The following FAM241A variants were observed in gnomAD, a reference collection of about 807,000 sequenced individuals.
FAM241A encodes the protein uncharacterized protein FAM241A.
In FAM241A, 7 loss-of-function variants were observed where a neutral mutation model predicts 12.2. The ratio of observed to expected loss-of-function variants is 0.58; its 90% CI spans 0.33 to 1.08. The LOEUF is 1.08. Ranked by LOEUF, FAM241A falls within the 50% of genes least tolerant of loss-of-function variation. The pLI is 0.04. For synonymous variants in FAM241A, 74 were observed against 68.2 expected, an observed-to-expected ratio of 1.08 and a Z score of -0.42; for missense variants, 161 against 169.7, an observed-to-expected ratio of 0.95 and a Z score of 0.29.
intron 1 of FAM241A, chr4:112,171,122 T>C: frequency 2.5e-6 from 1 of 397,404 alleles, no homozygotes; most frequent in Non-Finnish European, 4.8e-6. Flanking sequence ...AACAAGAAAC[T>C]GTTATTGTAC....
In FAM241A at chr4:112,189,938, G is replaced by A. The variant is rs1724130399; in HGVS notation, c.*3000G>A. ...TTCCCATTTCTATTCCTACAGATAC[G>A]AAAGTAAAGAACAGAACACATTTTG... On this transcript the variant is annotated 3_prime_UTR_variant, in exon 2 of 2. Coordinates refer to ENST00000309733, the MANE Select transcript of FAM241A (RefSeq NM_152400.3). 2 of 150,100 alleles carry A rather than the reference G, an allele frequency of 1.3e-5. No individual in the cohort carries two copies. The highest frequency in any genetic ancestry group is 1.3e-4 in the Admixed American group (2 of 15,006). The allele number at this position is 150,100 out of a possible 1,614,324, so 9.3% of individuals were successfully genotyped here. A position where few individuals can be genotyped will look rare whatever the true frequency, so the allele number is the denominator to read the frequency against.
chr4:112,173,904 A>G (rs1268253910), intron 1 of FAM241A, among the ~76,000 whole-genome samples: 1 of 152,224 alleles, frequency 6.6e-6, no homozygotes, highest in African/African-American at 2.4e-5. Flanking sequence ...CAAAGCAGCA[A>G]TTTAACTGTT....
chr4:112,177,563 C>T (rs1249225445), intron 1 of FAM241A, among the ~76,000 whole-genome samples: 1 of 152,004 alleles, frequency 6.6e-6, no homozygotes, highest in Non-Finnish European at 1.5e-5. Context: ...AATAATAGTG[C>T]CTCCTTTACA....
At chr4:112,156,132 CTG>C in intron 1 of FAM241A, among the ~76,000 whole-genome samples, 1 of 152,264 alleles carries the variant, frequency 6.6e-6, no homozygotes, top group Middle Eastern at 3.4e-3. Flanking sequence ...GAGTGTCACT[CTG>C]TGGAACTTAA....
chr4:112,164,621 GA>G (rs930475860), intron 1 of FAM241A, among the ~76,000 whole-genome samples: 79 of 151,324 alleles, frequency 5.2e-4, no homozygotes, highest in Non-Finnish European at 9.3e-4. Context: ...AAAATAAAAT[GA>G]AAAAAAAGCT....
intron 1 of FAM241A, among the ~76,000 whole-genome samples, chr4:112,184,382 A>C (rs1723999855): frequency 6.6e-6 from 1 of 152,214 alleles, no homozygotes; most frequent in Admixed American, 6.5e-5. Context: ...ACAAAAGATT[A>C]GCCAGGCATG....
intron 1 of FAM241A, among the ~76,000 whole-genome samples, chr4:112,163,753 C>T (rs995561441): frequency 9.2e-5 from 14 of 152,172 alleles, no homozygotes; most frequent in Non-Finnish European, 1.8e-4. Flanking sequence ...GACAGTGTGG[C>T]GATTCCTCAA....
intron 1 of FAM241A, among the ~76,000 whole-genome samples, chr4:112,151,760 A>G (rs968636022): frequency 1.3e-5 from 2 of 152,216 alleles, no homozygotes; most frequent in Non-Finnish European, 2.9e-5. Flanking sequence ...TGAGAAGCCA[A>G]TAGTTGTTCC....
chr4:112,179,918 T>G (rs867257066), intron 1 of FAM241A, among the ~76,000 whole-genome samples: 5 of 123,056 alleles, frequency 4.1e-5, no homozygotes, highest in African/African-American at 1.5e-4. Flanking sequence ...AAATGTGATA[T>G]ATATATATAT....
intron 1 of FAM241A, among the ~76,000 whole-genome samples, chr4:112,169,904 T>C (rs1177775365): frequency 1.3e-5 from 2 of 152,262 alleles, no homozygotes; most frequent in Non-Finnish European, 2.9e-5. Flanking sequence ...TACTATGTCT[T>C]ACTTGTGTTT....
At chr4:112,183,243 A>T (rs1253323320) in intron 1 of FAM241A, among the ~76,000 whole-genome samples, 2 of 152,022 alleles carry the variant, frequency 1.3e-5, no homozygotes, top group Non-Finnish European at 2.9e-5. Flanking sequence ...TAGGTTTATT[A>T]TACTATTTTC....
intron 1 of FAM241A, among the ~76,000 whole-genome samples, chr4:112,166,689 C>T (rs923207864): frequency 2.2e-4 from 33 of 152,288 alleles, no homozygotes; most frequent in Admixed American, 7.8e-4. Flanking sequence ...AGTCTAATAG[C>T]ACCCACCTGA....
chr4:112,164,701 A>T (rs1033191039), intron 1 of FAM241A, among the ~76,000 whole-genome samples: 3 of 152,250 alleles, frequency 2.0e-5, no homozygotes, highest in African/African-American at 7.2e-5. Context: ...TTTGTAAACT[A>T]CCCTGACAAG....
At chr4:112,174,495 T>A (rs558591874) in intron 1 of FAM241A, among the ~76,000 whole-genome samples, 1 of 152,200 alleles carries the variant, frequency 6.6e-6, no homozygotes, top group Non-Finnish European at 1.5e-5. Context: ...TGGAGAACTT[T>A]CCGGGCTAAG....
At chr4:112,156,331 G>A (rs1723352508) in intron 1 of FAM241A, among the ~76,000 whole-genome samples, 1 of 152,078 alleles carries the variant, frequency 6.6e-6, no homozygotes, top group Non-Finnish European at 1.5e-5. Context: ...GTTCAGCTCT[G>A]ACTACTTTGT....
At chr4:112,152,069 A>G (rs1234058557) in intron 1 of FAM241A, among the ~76,000 whole-genome samples, 2 of 152,216 alleles carry the variant, frequency 1.3e-5, no homozygotes, top group Non-Finnish European at 2.9e-5. Context: ...ACTTAATCTC[A>G]TCTTGTTCCT....
rs1038949467 is a variant in FAM241A, at chr4:112,175,610, A to G, written c.154-11083A>G. ...TGGTGAAGCCCCATCTCTACTAAAA[A>G]TACGAAAATTAGCTAGGTGTGGTGG... On this transcript the variant is annotated intron_variant, in intron 1 of 1. Coordinates refer to ENST00000309733, the MANE Select transcript of FAM241A (RefSeq NM_152400.3). Among the ~76,000 whole-genome samples, 8 of 152,106 alleles carry G rather than the reference A, an allele frequency of 5.3e-5. No individual in the cohort carries two copies. In the South Asian group the frequency reaches 8.3e-4, roughly 16 times the overall value.
At chr4:112,171,883 A>C (rs867756261) in intron 1 of FAM241A, among the ~76,000 whole-genome samples, 8 of 152,102 alleles carry the variant, frequency 5.3e-5, no homozygotes, top group Non-Finnish European at 7.4e-5. Context: ...AAAACAAAAA[A>C]AAATCTTGAG....
chr4:112,168,548 A>C (rs776118124), intron 1 of FAM241A, among the ~76,000 whole-genome samples: 7 of 152,242 alleles, frequency 4.6e-5, no homozygotes, highest in Non-Finnish European at 1.0e-4. Context: ...TGTTAGATTC[A>C]TAAGTACTGT....
Sources: gnomAD v4.1 joint callset for allele counts (sites outside exome capture counted in the v4.1 genomes callset) on GRCh38, gnomAD v4.1.1 for gene constraint, MANE v1.5 for transcripts, NCBI Gene and HGNC (gene_info 2026-07-23, HGNC 2026-07-21) for gene names.